Variants in RAP1GAP2 observed in about 807,000 individuals in gnomAD.
RAP1GAP2 encodes RAP1 GTPase activating protein 2.
In RAP1GAP2, 27 loss-of-function variants were observed where a neutral mutation model predicts 95.0. That is an observed-to-expected ratio of 0.28 (90% CI 0.21 to 0.39). The LOEUF is 0.39. RAP1GAP2 is among the 10% of genes least tolerant of loss of function. The pLI, the probability that RAP1GAP2 is intolerant of heterozygous loss-of-function variation, is 1.00. For missense variants in RAP1GAP2, 771 were observed against 970.0 expected, an observed-to-expected ratio of 0.79 and a Z score of 2.72; for synonymous variants, 373 against 380.9, an observed-to-expected ratio of 0.98 and a Z score of 0.24.
At chr17:2,828,153 TAACATGGGGA>T (rs1184517006) in intron 2 of RAP1GAP2, among the ~76,000 whole-genome samples, 1 of 152,126 alleles carries the variant, frequency 6.6e-6, no homozygotes, top group Non-Finnish European at 1.5e-5. Flanking sequence ...CCAGCCTGGC[TAACATGGGGA>T]AACCCTATCT....
intron 2 of RAP1GAP2, among the ~76,000 whole-genome samples, chr17:2,895,725 T>C (rs919456523): frequency 4.6e-5 from 7 of 152,072 alleles, no homozygotes; most frequent in Admixed American, 2.0e-4. Flanking sequence ...TACAGGCGCC[T>C]GCCACCATGC....
In RAP1GAP2 at chr17:2,870,308, G is replaced by A. The variant is rs145677449; in HGVS notation, c.81-34976G>A. On this transcript the variant is annotated intron_variant, in intron 2 of 24. Coordinates refer to ENST00000254695, the MANE Select transcript of RAP1GAP2 (RefSeq NM_015085.5). This position sits in a 1 kb window ranked among gnomAD's most constrained non-coding sequence, Gnocchi z 4.4. ...ATTTTTTTGTATTTTTAGTAAATAC[G>A]GGGTTTTACTATGTTGGCCAGGCTG... Among the ~76,000 whole-genome samples the A allele has an allele frequency of 1.0e-3, 152 of 151,926 alleles. 1 individual carries two copies. The highest frequency in any genetic ancestry group is 3.5e-3 in the African/African-American group (144 of 41,426).
chr17:2,987,307 A>G (rs1032126544), intron 11 of RAP1GAP2, among the ~76,000 whole-genome samples: 1 of 152,190 alleles, frequency 6.6e-6, no homozygotes, highest in Non-Finnish European at 1.5e-5. Flanking sequence ...CAATATTTTA[A>G]CGAAATATTT....
intron 3 of RAP1GAP2, among the ~76,000 whole-genome samples, chr17:2,922,429 T>G (rs2042810300): frequency 1.3e-5 from 2 of 152,252 alleles, no homozygotes; most frequent in Middle Eastern, 3.4e-3. Flanking sequence ...TACAGACATA[T>G]CTTTTTGGGG....
chr17:2,841,343 G>C (rs539264474), intron 2 of RAP1GAP2, among the ~76,000 whole-genome samples: 71 of 129,380 alleles, frequency 5.5e-4, no homozygotes, highest in African/African-American at 2.0e-3. Flanking sequence ...TTGCTCTGTC[G>C]CCCAGGCTGG....
intron 11 of RAP1GAP2, 69 bp downstream of exon 11, chr17:2,985,135 C>A: frequency 6.2e-7 from 1 of 1,603,486 alleles, no homozygotes; most frequent in South Asian, 1.1e-5. Context: ...TTTATCCCCA[C>A]CCAGAACACA....
At chr17:2,758,435 A>C (rs1404284754) in intron 1 of RAP1GAP2, among the ~76,000 whole-genome samples, 1 of 152,090 alleles carries the variant, frequency 6.6e-6, no homozygotes, top group Admixed American at 6.6e-5. Flanking sequence ...AGCCTCCCAA[A>C]GTGCTGGGAT....
chr17:2,761,289 CTT>C (rs1002992848), intron 1 of RAP1GAP2, among the ~76,000 whole-genome samples: 10 of 106,320 alleles, frequency 9.4e-5, no homozygotes, highest in Admixed American at 3.0e-4. Context: ...GGTCTTTTTT[CTT>C]TTTTTTTTTT....
chr17:2,843,577 G>A (rs1005718648), intron 2 of RAP1GAP2, among the ~76,000 whole-genome samples: 5 of 151,834 alleles, frequency 3.3e-5, no homozygotes, highest in African/African-American at 9.7e-5. Flanking sequence ...GTGAGCCACC[G>A]TGCCCGGCCC....
Position 3,008,226 on chromosome 17 carries a change from C to T in RAP1GAP2, c.1494+81C>T, listed in dbSNP as rs190949425. 7.3e-4 allele frequency: 1,152 copies of T among 1,569,868 alleles called. 11 individuals carry two copies. The highest frequency in any genetic ancestry group is 6.7e-5 in the Non-Finnish European group (77 of 1,151,260). ...GAAGTGGTCCAAGGTCCATGGGATA[C>T]TGATCCCAGAGCCCAAGGGCCAGCT... On this transcript the variant is annotated intron_variant, in intron 17 of 24. Transcript: ENST00000254695. The surrounding 1 kb of genome is among the most constrained non-coding windows in gnomAD (Gnocchi z 4.2).
intron 3 of RAP1GAP2, among the ~76,000 whole-genome samples, chr17:2,930,637 T>C (rs2043111748): frequency 6.6e-6 from 1 of 152,222 alleles, no homozygotes; most frequent in Non-Finnish European, 1.5e-5. Flanking sequence ...GGCATCGCTC[T>C]CTTTTGGTAG....
chr17:2,893,281 T>C (rs553911701), intron 2 of RAP1GAP2, among the ~76,000 whole-genome samples: 2 of 152,298 alleles, frequency 1.3e-5, no homozygotes, highest in African/African-American at 4.8e-5. Flanking sequence ...CCTCAGGTGA[T>C]CTGCCTGCCT....
chr17:2,945,990 C>T (rs1319770965), intron 3 of RAP1GAP2, among the ~76,000 whole-genome samples: 1 of 152,024 alleles, frequency 6.6e-6, no homozygotes, highest in Non-Finnish European at 1.5e-5. Context: ...GGGCTTTCAC[C>T]ATGTCGGCCA....
intron 3 of RAP1GAP2, among the ~76,000 whole-genome samples, chr17:2,934,120 C>G (rs34919199): frequency 0.075 from 11,435 of 152,306 alleles, 531 homozygotes; most frequent in Middle Eastern, 0.12. Context: ...TGGTTCAGTA[C>G]TTGACTGTTT....
chr17:2,820,903 T>TTGTTTTGTTTTTTG (rs1567678169), intron 2 of RAP1GAP2, among the ~76,000 whole-genome samples: 2 of 145,868 alleles, frequency 1.4e-5, no homozygotes, highest in African/African-American at 5.2e-5. Context: ...TTTTTTTTTT[T>TTGTTTTGTTTTTTG]TTTTTTGTAT....
chr17:2,995,880 G>A (rs868838295), intron 13 of RAP1GAP2, among the ~76,000 whole-genome samples: 16 of 152,314 alleles, frequency 1.1e-4, no homozygotes, highest in Middle Eastern at 3.4e-3. Context: ...TTGCAGATGG[G>A]GGCCTGAAGC....
intron 2 of RAP1GAP2, among the ~76,000 whole-genome samples, chr17:2,879,201 T>C (rs1353865834): frequency 6.6e-6 from 1 of 151,750 alleles, no homozygotes; most frequent in Non-Finnish European, 1.5e-5. Flanking sequence ...CTGCAACCTC[T>C]GCCTCCCCGG....
At chr17:2,818,451 G>A (rs1285662843) in intron 2 of RAP1GAP2, among the ~76,000 whole-genome samples, 1 of 151,796 alleles carries the variant, frequency 6.6e-6, no homozygotes, top group Non-Finnish European at 1.5e-5. Context: ...AGCCTCCCAA[G>A]TAGCTGGGAT....
chr17:2,779,653 C>T (rs760585039), intron 1 of RAP1GAP2, among the ~76,000 whole-genome samples: 43 of 152,070 alleles, frequency 2.8e-4, no homozygotes, highest in Non-Finnish European at 5.0e-4. Context: ...CAGAGGAGGG[C>T]GAGGGGAGAG....
Sources: allele counts gnomAD v4.1 joint callset (sites outside exome capture counted in the v4.1 genomes callset), GRCh38; gene constraint gnomAD v4.1.1; non-coding constraint Gnocchi (gnomAD v3.1); transcripts MANE v1.5; gene names NCBI Gene and HGNC (gene_info 2026-07-23, HGNC 2026-07-21).